Variants in SPOCK3 observed in about 807,000 individuals in gnomAD.
SPOCK3 encodes SPARC (osteonectin), cwcv and kazal like domains proteoglycan 3.
In SPOCK3, 30 loss-of-function variants were observed where a neutral mutation model predicts 56.6. The ratio of observed to expected loss-of-function variants is 0.53; its 90% confidence interval spans 0.40 to 0.72. SPOCK3 has a LOEUF of 0.72. Ranked by LOEUF, SPOCK3 falls within the 30% of genes least tolerant of loss-of-function variation. SPOCK3 has a pLI of 0.00. For synonymous variants in SPOCK3, 196 were observed against 183.3 expected, an observed-to-expected ratio of 1.07 and a Z score of -0.56; for missense variants, 527 against 530.0, an observed-to-expected ratio of 0.99 and a Z score of 0.06.
chr4:166,944,114 T>C (rs1327553945), intron 4 of SPOCK3, among the ~76,000 whole-genome samples: 3 of 152,082 alleles, frequency 2.0e-5, no homozygotes, highest in Admixed American at 6.6e-5. Context: ...GCCACTTCAC[T>C]CCAGCCTGGG....
intron 6 of SPOCK3, among the ~76,000 whole-genome samples, chr4:166,803,665 T>G (rs566159720): frequency 6.6e-6 from 1 of 152,280 alleles, no homozygotes; most frequent in Non-Finnish European, 1.5e-5. Flanking sequence ...TCTAAAACAT[T>G]TGAATCAATA....
intron 5 of SPOCK3, among the ~76,000 whole-genome samples, chr4:166,904,888 C>T (rs1295570318): frequency 6.6e-6 from 1 of 151,952 alleles, no homozygotes; most frequent in Admixed American, 6.6e-5. Flanking sequence ...TTACAAAGGA[C>T]ATCATTCAGG....
intron 6 of SPOCK3, among the ~76,000 whole-genome samples, chr4:166,862,678 G>A (rs1364435485): frequency 6.6e-6 from 1 of 151,960 alleles, no homozygotes; most frequent in African/African-American, 2.4e-5. Context: ...TTTATTTGAT[G>A]ATGCTGATTT....
intron 2 of SPOCK3, among the ~76,000 whole-genome samples, chr4:167,174,554 A>C (rs1052110527): frequency 4.6e-5 from 7 of 152,144 alleles, no homozygotes; most frequent in Non-Finnish European, 8.8e-5. Flanking sequence ...GAGAAGTTTT[A>C]AAGGACCAGT....
chr4:166,840,358 G>A lies in SPOCK3; in HGVS notation c.590-48069C>T, dbSNP rs117614805. ...GCCTTCTCTGATTTGGGTGAATATC[G>A]TCTACATTATTTTTAAAATCTTATT... On this transcript the variant is annotated intron_variant, in intron 6 of 10. Transcript: ENST00000357545. 2.7e-3 allele frequency among the ~76,000 whole-genome samples: 408 copies of A among 152,254 alleles called. 10 individuals are homozygous for A. The East Asian group carries it at 0.061, about 23-fold the overall frequency.
At chr4:167,233,009 G>T (rs1208264640) in intron 2 of SPOCK3, among the ~76,000 whole-genome samples, 1 of 152,204 alleles carries the variant, frequency 6.6e-6, no homozygotes, top group African/African-American at 2.4e-5. Context: ...TCACGGTAAG[G>T]ATTGGCAATG....
intron 3 of SPOCK3, among the ~76,000 whole-genome samples, chr4:167,045,743 A>G (rs1487032834): frequency 6.6e-6 from 1 of 152,138 alleles, no homozygotes; most frequent in African/African-American, 2.4e-5. Flanking sequence ...GCTGTCATTC[A>G]TTTCATCTAT....
chr4:167,181,470 G>T (rs1580536917), intron 2 of SPOCK3, among the ~76,000 whole-genome samples: 1 of 152,236 alleles, frequency 6.6e-6, no homozygotes, highest in Non-Finnish European at 1.5e-5. Context: ...TCAAGTTATT[G>T]CTTGTTTAAA....
At chr4:166,917,414 C>A (rs952664506) in intron 4 of SPOCK3, among the ~76,000 whole-genome samples, 1 of 151,896 alleles carries the variant, frequency 6.6e-6, no homozygotes, top group Non-Finnish European at 1.5e-5. Context: ...CCCCACGTGT[C>A]GAGGGAGGGA....
chr4:167,189,783 C>A (rs1160234786), intron 2 of SPOCK3, among the ~76,000 whole-genome samples: 1 of 145,782 alleles, frequency 6.9e-6, no homozygotes, highest in Non-Finnish European at 1.5e-5. Context: ...CATCTCATTT[C>A]TTCCACCACC....
chr4:167,227,575 C>CT (rs921880375), intron 2 of SPOCK3, among the ~76,000 whole-genome samples: 3 of 151,814 alleles, frequency 2.0e-5, no homozygotes, highest in African/African-American at 7.3e-5. Flanking sequence ...AGTTCACAGT[C>CT]TAATGGGGTG....
At chr4:166,865,334 G>A (rs567146411) in intron 6 of SPOCK3, among the ~76,000 whole-genome samples, 8 of 152,262 alleles carry the variant, frequency 5.3e-5, no homozygotes, top group African/African-American at 1.9e-4. Context: ...CAAATTGAAT[G>A]GGCAATAGCT....
intron 4 of SPOCK3, among the ~76,000 whole-genome samples, chr4:166,981,803 C>T (rs1026810741): frequency 1.3e-5 from 2 of 152,184 alleles, no homozygotes; most frequent in Non-Finnish European, 2.9e-5. Context: ...AGCCTGCTGG[C>T]CTGCACAAGC....
At chr4:167,206,676 C>T (rs765510843) in intron 2 of SPOCK3, among the ~76,000 whole-genome samples, 12 of 152,000 alleles carry the variant, frequency 7.9e-5, no homozygotes, top group Non-Finnish European at 1.8e-4. Context: ...CACAATAAAA[C>T]TCCATCTTAA....
At chr4:166,977,066 T>G (rs1746029904) in intron 4 of SPOCK3, among the ~76,000 whole-genome samples, 1 of 152,082 alleles carries the variant, frequency 6.6e-6, no homozygotes, top group Non-Finnish European at 1.5e-5. Flanking sequence ...TATTTGAAAC[T>G]TTTATTGTCA....
At chr4:167,194,368 T>C (rs184191977) in intron 2 of SPOCK3, among the ~76,000 whole-genome samples, 6 of 152,312 alleles carry the variant, frequency 3.9e-5, no homozygotes, top group Admixed American at 2.6e-4. Flanking sequence ...CTCATTGAGA[T>C]GAAAGATTCT....
intron 2 of SPOCK3, among the ~76,000 whole-genome samples, chr4:167,092,420 TCTTATTTTATC>T (rs1188262833): frequency 6.6e-6 from 1 of 152,166 alleles, no homozygotes; most frequent in Admixed American, 6.5e-5. Context: ...TGGCAAGCAT[TCTTATTTTATC>T]TTAGTGCCTT....
intron 2 of SPOCK3, among the ~76,000 whole-genome samples, chr4:167,081,384 A>T (rs927299439): frequency 6.6e-6 from 1 of 152,026 alleles, no homozygotes; most frequent in Non-Finnish European, 1.5e-5. Context: ...TTTACTATGA[A>T]ATAATATTAA....
chr4:166,926,432 C>T (rs1239123924), intron 4 of SPOCK3, among the ~76,000 whole-genome samples: 2 of 151,762 alleles, frequency 1.3e-5, no homozygotes, highest in East Asian at 3.9e-4. Context: ...AAAATGGCTG[C>T]CTTTGGTATT....
Sources: gnomAD v4.1 joint callset for allele counts (sites outside exome capture counted in the v4.1 genomes callset) on GRCh38, gnomAD v4.1.1 for gene constraint, MANE v1.5 for transcripts, NCBI Gene and HGNC (gene_info 2026-07-23, HGNC 2026-07-21) for gene names.